The following PDE10A variants were observed in gnomAD, a reference collection of about 807,000 sequenced individuals.
PDE10A encodes cAMP and cAMP-inhibited cGMP 3',5'-cyclic phosphodiesterase 10A.
In PDE10A, 39 loss-of-function variants were observed where a neutral mutation model predicts 97.7. That is an observed-to-expected ratio of 0.40 (90% CI 0.31 to 0.52). The LOEUF is 0.52. Ranked by LOEUF, PDE10A falls within the 20% of genes least tolerant of loss-of-function variation. The pLI is 0.56. For synonymous variants in PDE10A, 371 were observed against 376.8 expected (o/e 0.98, Z 0.18); for missense variants, 731 against 1,047.8 (o/e 0.70, Z 4.17).
chr6:165,687,696 C>T (rs1410306170), intron 1 of PDE10A, among the ~76,000 whole-genome samples: 1 of 152,230 alleles, frequency 6.6e-6, no homozygotes, highest in East Asian at 1.9e-4. Flanking sequence ...TCACCCAGTC[C>T]TATGGAATAC....
At chr6:165,617,559 G>T (rs908390877) in intron 1 of PDE10A, among the ~76,000 whole-genome samples, 2 of 152,092 alleles carry the variant, frequency 1.3e-5, no homozygotes, top group Non-Finnish European at 2.9e-5. Context: ...AAGTGGGGGA[G>T]GTGGGAGTAA....
At chr6:165,923,447 T>G (rs766890731) in intron 1 of PDE10A, among the ~76,000 whole-genome samples, 5 of 152,188 alleles carry the variant, frequency 3.3e-5, no homozygotes, top group Admixed American at 2.0e-4. Context: ...ACCGTCGATA[T>G]GTAGATACAT....
intron 1 of PDE10A, among the ~76,000 whole-genome samples, chr6:165,714,379 G>A (rs1038144452): frequency 6.6e-5 from 10 of 152,228 alleles, no homozygotes; most frequent in African/African-American, 2.4e-4. Flanking sequence ...AGTCCTGTGA[G>A]TCTGATCATG....
intron 1 of PDE10A, among the ~76,000 whole-genome samples, chr6:165,717,445 G>T (rs1383637001): frequency 6.6e-6 from 1 of 152,140 alleles, no homozygotes; most frequent in African/African-American, 2.4e-5. Context: ...TTAGCTGGGC[G>T]TGGTGGCTTG....
intron 1 of PDE10A, among the ~76,000 whole-genome samples, chr6:165,926,671 C>CA (rs1229861077): frequency 2.0e-5 from 3 of 152,176 alleles, no homozygotes; most frequent in African/African-American, 7.2e-5. Context: ...CGAGAAAAAT[C>CA]AGACTTTCCA....
At position 165,788,838 on chromosome 6, in the gene PDE10A, G is replaced by A. The variant is rs566683563; in HGVS notation, c.-615+198691C>T. 7.2e-5 allele frequency among the ~76,000 whole-genome samples: 11 copies of A among 152,288 alleles called. No homozygotes were observed. In the East Asian group the frequency reaches 2.1e-3, roughly 29 times the overall value. On this transcript the variant is annotated intron_variant, in intron 1 of 19. Coordinates refer to the PDE10A transcript ENST00000366882. ...CATTTTTGCAGGTTTGAATGAGGGA[G>A]AAAACCTAAGGTAGATGCCTTAGGT...
At chr6:165,943,895 C>T (rs1783670489) in intron 1 of PDE10A, among the ~76,000 whole-genome samples, 1 of 152,170 alleles carries the variant, frequency 6.6e-6, no homozygotes, top group African/African-American at 2.4e-5. Flanking sequence ...GAGCTACAGC[C>T]CTTCCTGCCA....
At chr6:165,659,846 G>A (rs1351088011) in intron 1 of PDE10A, among the ~76,000 whole-genome samples, 1 of 152,156 alleles carries the variant, frequency 6.6e-6, no homozygotes, top group Non-Finnish European at 1.5e-5. Flanking sequence ...CCTCTATCCA[G>A]AGCTGCGATC....
At chr6:165,425,497 T>TA (rs1255173160) in intron 10 of PDE10A, among the ~76,000 whole-genome samples, 1 of 151,976 alleles carries the variant, frequency 6.6e-6, no homozygotes, top group African/African-American at 2.4e-5. Flanking sequence ...ACCTGCATGA[T>TA]AAAAACACGC....
intron 1 of PDE10A, among the ~76,000 whole-genome samples, chr6:165,687,252 G>A: frequency 6.6e-6 from 1 of 152,260 alleles, no homozygotes; most frequent in Non-Finnish European, 1.5e-5. Flanking sequence ...GGCACTGGGA[G>A]TTTCATATCC....
At chr6:165,581,767 G>A (rs922244534) in intron 1 of PDE10A, among the ~76,000 whole-genome samples, 1 of 152,122 alleles carries the variant, frequency 6.6e-6, no homozygotes, top group African/African-American at 2.4e-5. Context: ...CTTGGACTGG[G>A]GATTAATATA....
At chr6:165,670,434 A>G (rs1267815221) in intron 1 of PDE10A, among the ~76,000 whole-genome samples, 1 of 152,216 alleles carries the variant, frequency 6.6e-6, no homozygotes, top group East Asian at 1.9e-4. Flanking sequence ...GCCTTCCCAC[A>G]GGTACACTGA....
chr6:165,902,796 A>C (rs989148393), intron 1 of PDE10A, among the ~76,000 whole-genome samples: 1 of 152,204 alleles, frequency 6.6e-6, no homozygotes, highest in Non-Finnish European at 1.5e-5. Context: ...CACACTCATC[A>C]TCCTTCCACA....
At chr6:165,502,032 T>G (rs528265843) in intron 2 of PDE10A, among the ~76,000 whole-genome samples, 37 of 152,178 alleles carry the variant, frequency 2.4e-4, no homozygotes, top group Non-Finnish European at 3.7e-4. Flanking sequence ...AGTGATTCAA[T>G]GAAGAAAGGA....
At chr6:165,801,800 A>G (rs1778994589) in intron 1 of PDE10A, among the ~76,000 whole-genome samples, 1 of 152,204 alleles carries the variant, frequency 6.6e-6, no homozygotes, top group South Asian at 2.1e-4. Context: ...ATGAAAGCCT[A>G]TCAGGATTGA....
At chr6:165,441,058 T>C (rs1424908354) in intron 5 of PDE10A, among the ~76,000 whole-genome samples, 2 of 152,198 alleles carry the variant, frequency 1.3e-5, no homozygotes, top group Non-Finnish European at 2.9e-5. Flanking sequence ...ATAGCAGACA[T>C]TGCTATGGGC....
Position 165,375,884 on chromosome 6 carries a change from T to C in PDE10A, c.2783+3310A>G, listed in dbSNP as rs1037704640. 6.0e-5 allele frequency among the ~76,000 whole-genome samples: 9 copies of C among 151,082 alleles called. No individual in the cohort carries two copies. In the South Asian group the frequency reaches 1.5e-3, roughly 24 times the overall value. On this transcript the variant is annotated intron_variant, in intron 18 of 21. Coordinates refer to ENST00000539869, the MANE Select transcript of PDE10A (RefSeq NM_001385079.1). Reference sequence around the variant, plus strand: ...GACAGCACATTTGTTTAGAGCATGATATACTGAACATTCTAAGCCTACTAT... The same window carrying C: ...GACAGCACATTTGTTTAGAGCATGACATACTGAACATTCTAAGCCTACTAT...
At chr6:165,436,766 A>G (rs1278984179) in intron 5 of PDE10A, among the ~76,000 whole-genome samples, 1 of 152,152 alleles carries the variant, frequency 6.6e-6, no homozygotes, top group Non-Finnish European at 1.5e-5. Context: ...TGGAAAAACC[A>G]TTTTCTAGTT....
intron 1 of PDE10A, among the ~76,000 whole-genome samples, chr6:165,874,008 T>A (rs1781269979): frequency 6.6e-6 from 1 of 152,150 alleles, no homozygotes; most frequent in Admixed American, 6.5e-5. Flanking sequence ...GGACAAAGGG[T>A]GAAGCTTTGT....
Sources: allele counts gnomAD v4.1 joint callset (sites outside exome capture counted in the v4.1 genomes callset), GRCh38; gene constraint gnomAD v4.1.1; transcripts MANE v1.5; gene names NCBI Gene and HGNC (gene_info 2026-07-23, HGNC 2026-07-21).